The following DOCK4 variants were observed in gnomAD, a reference collection of about 807,000 sequenced individuals.
DOCK4 encodes the protein dedicator of cytokinesis protein 4.
In DOCK4, 97 loss-of-function variants were observed where a neutral mutation model predicts 268.1. The observed-to-expected ratio is 0.36, with a 90% CI of 0.31 to 0.43. The LOEUF is 0.43. Ranked by LOEUF, DOCK4 falls within the 20% of genes least tolerant of loss-of-function variation. The probability of loss-of-function intolerance (pLI) is 1.00; values close to 1 mark genes in which losing one functional copy is unlikely to be tolerated. For synonymous variants in DOCK4, 954 were observed against 887.2 expected, an observed-to-expected ratio of 1.08 and a Z score of -1.34; for missense variants, 2,145 against 2,455.7, an observed-to-expected ratio of 0.87 and a Z score of 2.67.
intron 1 of DOCK4, among the ~76,000 whole-genome samples, chr7:112,104,091 AT>A (rs1810928172): frequency 6.6e-6 from 1 of 152,128 alleles, no homozygotes; most frequent in East Asian, 1.9e-4. Context: ...CCCATTCTCA[AT>A]TATATTCTCC....
At chr7:112,129,913 TAA>T (rs1813642999) in intron 1 of DOCK4, among the ~76,000 whole-genome samples, 2 of 152,240 alleles carry the variant, frequency 1.3e-5, no homozygotes, top group African/African-American at 4.8e-5. Flanking sequence ...TATAGTGGGA[TAA>T]AATGAAGAAG....
rs559415568 is a variant in DOCK4, at chr7:111,896,442, CTTG to C, written c.1481-727_1481-725del. Among the ~76,000 whole-genome samples, 256 of 149,202 alleles carry C rather than the reference CTTG, an allele frequency of 1.7e-3. 2 individuals are homozygous for C. Among genetic ancestry groups the C allele is most frequent in the African/African-American group, 6.2e-3 (250 of 40,552 alleles). ...AATTGAGGTCATAGATGTTAGGTAA[CTTG>C]TTGTAGATCTCTTAAGTACCATTCC... On this transcript the variant is annotated intron_variant, in intron 15 of 52. Transcript: ENST00000428084.
chr7:111,987,508 G>T (rs1379533562), intron 6 of DOCK4, among the ~76,000 whole-genome samples: 4 of 152,110 alleles, frequency 2.6e-5, no homozygotes, highest in African/African-American at 9.7e-5. Flanking sequence ...ATAAATATTA[G>T]GCAGCATAGG....
rs921597445 is a variant in DOCK4 at position 111,901,865 on chromosome 7, A to G, written c.1193-64T>C. On this transcript the variant is annotated intron_variant, in intron 13 of 52. Transcript: ENST00000428084. Reference sequence around the variant, plus strand: ...ATGAGGAAATGTAATAAAGTGCTCTATCAAGAAAAACTTTAGTTTATACAA... The same window carrying G: ...ATGAGGAAATGTAATAAAGTGCTCTGTCAAGAAAAACTTTAGTTTATACAA... 1.3e-5 allele frequency: 17 copies of G among 1,282,750 alleles called. No individual in the cohort carries two copies. In the South Asian group the frequency reaches 2.2e-4, roughly 16 times the overall value. The allele number at this position is 1,282,750 out of a possible 1,614,324, so 79.5% of individuals were successfully genotyped here. A position where few individuals can be genotyped will look rare whatever the true frequency, so the allele number is the denominator to read the frequency against.
chr7:111,808,539 GC>G lies in DOCK4; in HGVS notation c.3166+281del, dbSNP rs1241847683. 21 of 287,414 alleles carry G rather than the reference GC, an allele frequency of 7.3e-5. No individual in the cohort carries two copies. In the Admixed American group the frequency reaches 1.0e-3, roughly 14 times the overall value. The allele number at this position is 287,414 out of a possible 1,614,324, so 17.8% of individuals were successfully genotyped here. ...CCAAATTCTGAAAGGTTGCCTCATC[GC>G]TGGAAATATGTGTAATGTTGGAGCA... On this transcript the variant is annotated intron_variant, in intron 30 of 52. Transcript: ENST00000428084.
Position 111,741,160 on chromosome 7 carries a change from T to C in DOCK4, c.4974A>G (p.Gln1658=), listed in dbSNP as rs748754613. The C allele has an allele frequency of 1.2e-6, 2 of 1,613,970 alleles. No individual in the cohort carries two copies. Among genetic ancestry groups the C allele is most frequent in the Non-Finnish European group, 1.7e-6 (2 of 1,179,886 alleles). ...TAATATTGCTTACTTCAGCAGAAGCTTGTGAGGACAGTGAGGAGGAAGAAT... is the reference window on the plus strand; with the variant it reads ...TAATATTGCTTACTTCAGCAGAAGCCTGTGAGGACAGTGAGGAGGAAGAAT... ...NRYSSSSLSS[Q]ASAEVSNITG... Residue 1658 remains glutamine (Q), a synonymous_variant, in exon 47 of 53, where the codon CAA becomes CAG. Coordinates refer to ENST00000428084, the MANE Select transcript of DOCK4 (RefSeq NM_001363540.2).
At chr7:111,796,497 T>G (rs1799904030) in intron 30 of DOCK4, among the ~76,000 whole-genome samples, 1 of 152,236 alleles carries the variant, frequency 6.6e-6, no homozygotes. Context: ...GAGTAAGATA[T>G]CTTCTGTAGT....
intron 16 of DOCK4, among the ~76,000 whole-genome samples, chr7:111,885,238 T>C (rs1421545671): frequency 6.6e-6 from 1 of 152,204 alleles, no homozygotes; most frequent in East Asian, 1.9e-4. Flanking sequence ...TGTGAGATTC[T>C]TGTGCTGCAT....
chr7:112,094,751 C>G (rs980265725), intron 1 of DOCK4, among the ~76,000 whole-genome samples: 2 of 152,100 alleles, frequency 1.3e-5, no homozygotes, highest in African/African-American at 4.8e-5. Flanking sequence ...GAGGTGGGGC[C>G]TGGTGGTAGT....
intron 1 of DOCK4, among the ~76,000 whole-genome samples, chr7:112,016,526 A>G (rs1801822006): frequency 6.6e-6 from 1 of 152,208 alleles, no homozygotes; most frequent in Non-Finnish European, 1.5e-5. Context: ...AGACTATGCA[A>G]ATATACTGTT....
At chr7:112,159,784 A>G (rs1779229278) in intron 1 of DOCK4, among the ~76,000 whole-genome samples, 1 of 147,016 alleles carries the variant, frequency 6.8e-6, no homozygotes, top group African/African-American at 2.7e-5. Context: ...AGCTTCTAAA[A>G]CAAGCATTTT....
At chr7:112,066,497 C>CCT (rs750323799) in intron 1 of DOCK4, among the ~76,000 whole-genome samples, 168 of 129,994 alleles carry the variant, frequency 1.3e-3, no homozygotes, top group African/African-American at 5.9e-3. Flanking sequence ...TCTCTCTCTC[C>CCT]CTCTCTCTCT....
At chr7:111,959,981 G>A (rs1796739258) in intron 8 of DOCK4, among the ~76,000 whole-genome samples, 2 of 152,076 alleles carry the variant, frequency 1.3e-5, no homozygotes, top group Admixed American at 1.3e-4. Flanking sequence ...GCAATTCTAT[G>A]AGCCCTCACT....
chr7:112,183,148 C>T (rs1819202636), intron 1 of DOCK4, among the ~76,000 whole-genome samples: 2 of 152,214 alleles, frequency 1.3e-5, no homozygotes, highest in Non-Finnish European at 1.5e-5. Context: ...AGGGAATGAG[C>T]AAGGCCAGCT....
At position 112,148,933 on chromosome 7, in the gene DOCK4, G is replaced by A. The variant is rs527417802; in HGVS notation, c.37+57169C>T. ...CAACGTTTTGTGGCTACGATAATGC[G>A]CCAATAGCCCTGAAATCTGATTTTC... On this transcript the variant is annotated intron_variant, in intron 1 of 52. Coordinates refer to ENST00000428084, the MANE Select transcript of DOCK4 (RefSeq NM_001363540.2). Among the ~76,000 whole-genome samples, 346 of 152,272 alleles carry A rather than the reference G, an allele frequency of 2.3e-3. 3 individuals are homozygous for A. Among genetic ancestry groups the A allele is most frequent in the Middle Eastern group, 6.8e-3 (2 of 294 alleles).
intron 8 of DOCK4, among the ~76,000 whole-genome samples, chr7:111,965,365 A>G (rs1380592028): frequency 0.012 from 297 of 24,070 alleles, 7 homozygotes; most frequent in Non-Finnish European, 0.016. Context: ...AGGAAGATCT[A>G]CCAAGCCAAT....
chr7:111,896,813 T>C (rs946177449), intron 15 of DOCK4, among the ~76,000 whole-genome samples: 1 of 152,182 alleles, frequency 6.6e-6, no homozygotes, highest in Non-Finnish European at 1.5e-5. Context: ...TAATTTTGTC[T>C]GGCTGGTGCT....
At chr7:112,183,710 G>A (rs890091429) in intron 1 of DOCK4, among the ~76,000 whole-genome samples, 6 of 152,202 alleles carry the variant, frequency 3.9e-5, no homozygotes, top group Admixed American at 2.0e-4. Flanking sequence ...GGGTTGGGTA[G>A]TTCAATCAGA....
chr7:112,095,958 C>T (rs1346408198), intron 1 of DOCK4, among the ~76,000 whole-genome samples: 2 of 150,356 alleles, frequency 1.3e-5, no homozygotes, highest in African/African-American at 4.9e-5. Context: ...GGCATGGTGG[C>T]ACATGCCTGT....
Sources: allele counts gnomAD v4.1 joint callset (sites outside exome capture counted in the v4.1 genomes callset), GRCh38; gene constraint gnomAD v4.1.1; transcripts MANE v1.5; gene names NCBI Gene and HGNC (gene_info 2026-07-23, HGNC 2026-07-21).